LRGUK: variants seen among roughly 807,000 people sequenced by gnomAD.
The protein encoded by LRGUK is leucine rich repeats and guanylate kinase domain containing, also known as leucine-rich repeat and guanylate kinase domain-containing protein.
Under a neutral mutation model 76.0 loss-of-function variants are expected in LRGUK, and 65 were observed. The observed-to-expected ratio is 0.85, with a 90% CI of 0.70 to 1.05. The LOEUF (loss-of-function observed/expected upper bound fraction) is 1.05, where lower values mean the gene tolerates loss of function less well. Among genes scored for constraint, LRGUK ranks in the 50% least tolerant of loss-of-function variants. LRGUK has a pLI of 0.00. For missense variants in LRGUK, 758 were observed against 732.8 expected (o/e 1.03, Z -0.40); for synonymous variants, 268 against 265.6 (o/e 1.01, Z -0.09).
At chr7:134,247,487 A>G in intron 16 of LRGUK, 69 bp from the exon 17 acceptor site, 1 of 1,147,460 alleles carries the variant, frequency 8.7e-7, no homozygotes, top group South Asian at 1.3e-5. Flanking sequence ...AAAGAGAATT[A>G]TTATAGATGT....
intron 11 of LRGUK, among the ~76,000 whole-genome samples, chr7:134,187,589 A>G (rs139328883): frequency 8.0e-4 from 122 of 152,302 alleles, no homozygotes; most frequent in African/African-American, 2.9e-3. Flanking sequence ...TGATTTTACT[A>G]TTTGTTCTTG....
chr7:134,135,893 C>T (rs1307304232), intron 1 of LRGUK, among the ~76,000 whole-genome samples: 55 of 152,186 alleles, frequency 3.6e-4, no homozygotes, highest in East Asian at 5.8e-4. Flanking sequence ...CCTGACCTTG[C>T]GAACCGCCCA....
chr7:134,171,257 A>G (rs1175667118), intron 7 of LRGUK, among the ~76,000 whole-genome samples: 1 of 151,990 alleles, frequency 6.6e-6, no homozygotes, highest in Non-Finnish European at 1.5e-5. Flanking sequence ...ATTCCAGTAT[A>G]CACTTACCAT....
At chr7:134,186,464 A>G (rs1236228863) in intron 11 of LRGUK, among the ~76,000 whole-genome samples, 1 of 152,236 alleles carries the variant, frequency 6.6e-6, no homozygotes, top group African/African-American at 2.4e-5. Context: ...GTATATGTCC[A>G]GACACTTAAT....
At chr7:134,218,818 A>G (rs964177702) in intron 15 of LRGUK, among the ~76,000 whole-genome samples, 2 of 152,200 alleles carry the variant, frequency 1.3e-5, no homozygotes, top group African/African-American at 4.8e-5. Flanking sequence ...ATTTCAAATG[A>G]GTATGTCTAA....
the LRGUK span, among the ~76,000 whole-genome samples, chr7:134,270,682 T>G: frequency 6.6e-6 from 1 of 152,148 alleles, no homozygotes; most frequent in African/African-American, 2.4e-5. Context: ...GTTTGTAAGA[T>G]TAATCCACAT....
chr7:134,194,983 G>T (rs1418121856), intron 12 of LRGUK, among the ~76,000 whole-genome samples: 2 of 152,168 alleles, frequency 1.3e-5, no homozygotes, highest in African/African-American at 4.8e-5. Context: ...AGCATTTGGG[G>T]ATCACAGTTT....
chr7:134,255,169 A>G (rs1021073152), intron 18 of LRGUK, among the ~76,000 whole-genome samples: 2 of 151,792 alleles, frequency 1.3e-5, no homozygotes, highest in Non-Finnish European at 2.9e-5. Context: ...GATCTTGTGT[A>G]ACACTCAACC....
chr7:134,149,458 G>A (rs1340710045), intron 5 of LRGUK, among the ~76,000 whole-genome samples: 7 of 152,176 alleles, frequency 4.6e-5, no homozygotes, highest in African/African-American at 1.2e-4. Context: ...AGGCTGATAC[G>A]AGGGACAACA....
chr7:134,263,904 G>T, exon 20 of LRGUK: 1 of 1,611,944 alleles, frequency 6.2e-7, no homozygotes, highest in South Asian at 1.1e-5. Flanking sequence ...ACAACACTCG[G>T]TCCCAGTCAT....
In LRGUK at chr7:134,158,068, T is replaced by C. The variant is rs780642267; in HGVS notation, c.704T>C (p.Met235Thr). 5 of 1,612,966 alleles carry C rather than the reference T, an allele frequency of 3.1e-6. No individual in the cohort carries two copies. The East Asian group carries it at 8.9e-5, about 29-fold the overall frequency. Reference sequence around the variant, plus strand: ...ATAGAAGAAATCAGTGGACTAGAGATGTGCAACAACCTAATTCACCTTAGT... The same window carrying C: ...ATAGAAGAAATCAGTGGACTAGAGACGTGCAACAACCTAATTCACCTTAGT... Residue 235 changes from methionine to threonine, a missense_variant, in exon 6 of 16, where the codon ATG becomes ACG. Physicochemically the swap from Met to Thr is moderately conservative, Grantham distance 81 (BLOSUM62 -1). Transcript: ENST00000645682.
intron 19 of LRGUK, among the ~76,000 whole-genome samples, chr7:134,261,913 G>T (rs1382724586): frequency 6.6e-6 from 1 of 152,138 alleles, no homozygotes; most frequent in Non-Finnish European, 1.5e-5. Context: ...CTGCAGGCCC[G>T]ATTTGGCCTA....
chr7:134,201,508 T>G (rs747662889), exon 15 of LRGUK: 1 of 1,613,992 alleles, frequency 6.2e-7, no homozygotes, highest in Non-Finnish European at 8.5e-7. Context: ...TACCAAAAAC[T>G]GAGTCAGCTC....
At chr7:134,245,861 G>T (rs570853563) in intron 16 of LRGUK, among the ~76,000 whole-genome samples, 1 of 152,070 alleles carries the variant, frequency 6.6e-6, no homozygotes, top group Non-Finnish European at 1.5e-5. Context: ...TTATAGTAAA[G>T]TCAAGCTATT....
At chr7:134,199,549 A>T in intron 14 of LRGUK, 128 bp downstream of exon 14, 1 of 725,750 alleles carries the variant, frequency 1.4e-6, no homozygotes, top group East Asian at 2.7e-5. Flanking sequence ...AAGAGCTGCG[A>T]AAAGGGGTAA....
intron 1 of LRGUK, among the ~76,000 whole-genome samples, chr7:134,130,626 T>C (rs555895980): frequency 1.3e-5 from 2 of 152,358 alleles, no homozygotes; most frequent in African/African-American, 4.8e-5. Context: ...TGTTCAGTGA[T>C]TTATTATTCC....
At chr7:134,205,273 GA>G (rs1165826382) in intron 15 of LRGUK, among the ~76,000 whole-genome samples, 2 of 152,084 alleles carry the variant, frequency 1.3e-5, no homozygotes, top group African/African-American at 4.8e-5. Flanking sequence ...TGTAAGACAG[GA>G]AAGTTCCTGA....
Position 134,155,871 on chromosome 7 carries a change from C to T in LRGUK, c.671-2164C>T, listed in dbSNP as rs369090270. 1.4e-4 allele frequency among the ~76,000 whole-genome samples: 22 copies of T among 152,290 alleles called. No individual in the cohort carries two copies. In the East Asian group the frequency reaches 3.7e-3, roughly 25 times the overall value. ...AATGTTTTTGTGATATTTATGACTT[C>T]TTCCTTCTTGCTTAAAAAAATTGTT... On this transcript the variant is annotated intron_variant, in intron 5 of 15. Transcript: ENST00000645682.
At chr7:134,213,028 G>C (rs1422504540), downstream of LRGUK, among the ~76,000 whole-genome samples, 1 of 152,202 alleles carries the variant, frequency 6.6e-6, no homozygotes, top group African/African-American at 2.4e-5. Context: ...AGTCATCGCG[G>C]TTGCAGAATA....
Sources: gnomAD v4.1 joint callset for allele counts (sites outside exome capture counted in the v4.1 genomes callset) on GRCh38, gnomAD v4.1.1 for gene constraint, MANE v1.5 for transcripts, NCBI Gene and HGNC (gene_info 2026-07-23, HGNC 2026-07-21) for gene names.